CFAP161: variants seen among roughly 807,000 people sequenced by gnomAD.
CFAP161 encodes cilia- and flagella-associated protein 161.
A neutral mutation model predicts 29.0 loss-of-function variants in CFAP161; 25 were observed. The observed-to-expected ratio is 0.86, with a 90% confidence interval of 0.63 to 1.20. CFAP161 has a LOEUF of 1.20. Among genes scored for constraint, CFAP161 ranks in the 50% most tolerant of loss-of-function variants. The probability of loss-of-function intolerance (pLI) is 0.00; values close to 1 mark genes in which losing one functional copy is unlikely to be tolerated. For synonymous variants in CFAP161, 116 were observed against 137.4 expected (o/e 0.84, Z 1.09); for missense variants, 367 against 371.9 (o/e 0.99, Z 0.11).
chr15:81,133,212 TATATATATA>T (rs1567156366), upstream of CFAP161, among the ~76,000 whole-genome samples: 6 of 45,780 alleles, frequency 1.3e-4, no homozygotes, highest in Non-Finnish European at 2.3e-4. Flanking sequence ...TATATATATA[TATATATATA>T]TATGTATTTT....
chr15:81,147,878 C>A lies in CFAP161; in HGVS notation c.657C>A (p.Ile219=), dbSNP rs374986053. The part of the protein sequence containing the change: ...FPVPANAKIL[I]NHCHTNRGLA... ...TTAAGGCAAATGCTAAAATTCTCAT[C>A]AATCACTGTCACACAAATCGGGGAC... The change falls in exon 6 of 7, where the codon ATC becomes ATA. Residue 219 remains isoleucine, a synonymous_variant. Coordinates refer to ENST00000286732, the MANE Select transcript of CFAP161 (RefSeq NM_173528.4). 6.2e-7 allele frequency: 1 copy of A among 1,609,802 alleles called. No individual in the cohort carries two copies. Among genetic ancestry groups the A allele is most frequent in the African/African-American group, 1.3e-5 (1 of 74,680 alleles).
At chr15:81,146,226 C>T (rs1895003603) in intron 5 of CFAP161, among the ~76,000 whole-genome samples, 1 of 152,138 alleles carries the variant, frequency 6.6e-6, no homozygotes, top group South Asian at 2.1e-4. Context: ...CCAGGCCAAC[C>T]CCTGGATGGC....
chr15:81,117,032 G>A (rs1379395634), intron 1 of CFAP161, among the ~76,000 whole-genome samples: 1 of 152,128 alleles, frequency 6.6e-6, no homozygotes, highest in Non-Finnish European at 1.5e-5. Flanking sequence ...TAGGAAGGCA[G>A]ACTTTAGATT....
At chr15:81,106,361 G>A (rs759897512) in intron 1 of CFAP161, among the ~76,000 whole-genome samples, 18 of 152,142 alleles carry the variant, frequency 1.2e-4, no homozygotes, top group Admixed American at 3.3e-4. Context: ...TCAGACTGAC[G>A]GGGTTTCACC....
chr15:81,133,203 A>G (rs1302557925), upstream of CFAP161, among the ~76,000 whole-genome samples: 416 of 57,978 alleles, frequency 7.2e-3, 23 homozygotes, highest in African/African-American at 0.023. Context: ...ATATATATAT[A>G]TATATATATA....
chr15:81,101,854 T>TC (rs1555448441), intron 1 of CFAP161, among the ~76,000 whole-genome samples: 1 of 151,858 alleles, frequency 6.6e-6, no homozygotes, highest in Non-Finnish European at 1.5e-5. Context: ...TGCAATGACA[T>TC]CCCCCCAAAC....
chr15:81,126,316 A>G (rs1349807829), intron 1 of CFAP161, among the ~76,000 whole-genome samples: 4 of 152,228 alleles, frequency 2.6e-5, no homozygotes, highest in Non-Finnish European at 5.9e-5. Flanking sequence ...TTTCCATGTC[A>G]GTTTGATTTT....
At chr15:81,105,163 T>TCCTCCCTC (rs1555448609) in intron 1 of CFAP161, among the ~76,000 whole-genome samples, 1 of 33,140 alleles carries the variant, frequency 3.0e-5, no homozygotes, top group Admixed American at 3.7e-4. Flanking sequence ...CTCCCTCCCT[T>TCCTCCCTC]CCTTCCTCCC....
rs192179817 is a variant in CFAP161, at chr15:81,114,886, A to G, written c.-141-12704A>G. Among the ~76,000 whole-genome samples, 910 of 152,226 alleles carry G rather than the reference A, an allele frequency of 6.0e-3. 6 individuals carry two copies. Among genetic ancestry groups the G allele is most frequent in the Admixed American group, 0.011 (165 of 15,298 alleles). On this transcript the variant is annotated intron_variant, in intron 1 of 4. Coordinates refer to the CFAP161 transcript ENST00000560091. ...CACCATGTTGGTCAGGATGGTCTCT[A>G]TCTCCTGACCTTGTGATCCGCCCAC...
In CFAP161 at chr15:81,149,178, T is replaced by C. The variant is rs1388257969; in HGVS notation, c.*645T>C. 6.6e-6 allele frequency: 1 copy of C among 152,286 alleles called. No individual in the cohort carries two copies. Among genetic ancestry groups the C allele is most frequent in the East Asian group, 1.9e-4 (1 of 5,202 alleles). 9.4% of individuals were successfully genotyped at this position (152,286 alleles called of 1,614,324 possible). ...CAAAATAAATGTATGTCCTTCCATG[T>C]ATTTGTTCATCTGTTCATTCCTCAT... On this transcript the variant is annotated 3_prime_UTR_variant, in exon 7 of 7. Coordinates refer to ENST00000286732, the MANE Select transcript of CFAP161 (RefSeq NM_173528.4).
At chr15:81,128,729 C>A (rs548142725) in intron 2 of CFAP161, among the ~76,000 whole-genome samples, 1 of 152,118 alleles carries the variant, frequency 6.6e-6, no homozygotes, top group Non-Finnish European at 1.5e-5. Flanking sequence ...TCTAGAATGG[C>A]AAATCCTTTC....
At chr15:81,113,418 A>G (rs1246377500) in intron 1 of CFAP161, among the ~76,000 whole-genome samples, 1 of 152,170 alleles carries the variant, frequency 6.6e-6, no homozygotes, top group Non-Finnish European at 1.5e-5. Flanking sequence ...GTCAGATTTC[A>G]CAGGCTAAAA....
chr15:81,118,197 C>T, intron 1 of CFAP161: 1 of 470,158 alleles, frequency 2.1e-6, no homozygotes, highest in Non-Finnish European at 4.0e-6. Flanking sequence ...CAAATTTTTT[C>T]AATTTAGGCA....
At chr15:81,137,452 T>C (rs1894830469) in intron 3 of CFAP161, among the ~76,000 whole-genome samples, 1 of 152,012 alleles carries the variant, frequency 6.6e-6, no homozygotes, top group Non-Finnish European at 1.5e-5. Flanking sequence ...AAAAATTAGC[T>C]GGGCGTGGTG....
chr15:81,107,500 C>T (rs1036657492), intron 1 of CFAP161, among the ~76,000 whole-genome samples: 4 of 152,068 alleles, frequency 2.6e-5, no homozygotes, highest in African/African-American at 4.8e-5. Context: ...CCGGGGTGGG[C>T]GGATCACCTG....
intron 4 of CFAP161, among the ~76,000 whole-genome samples, chr15:81,143,216 G>T (rs1197468806): frequency 1.3e-5 from 2 of 152,160 alleles, no homozygotes; most frequent in East Asian, 3.8e-4. Context: ...GGGAGGCTGA[G>T]GTGGGAGGAT....
At chr15:81,116,081 G>T (rs1453041962) in intron 1 of CFAP161, among the ~76,000 whole-genome samples, 3 of 152,090 alleles carry the variant, frequency 2.0e-5, no homozygotes, top group African/African-American at 4.8e-5. Context: ...ATGTGTTTAG[G>T]TACAGCATGT....
At chr15:81,145,994 G>A (rs1894999679) in intron 5 of CFAP161, among the ~76,000 whole-genome samples, 1 of 152,216 alleles carries the variant, frequency 6.6e-6, no homozygotes, top group South Asian at 2.1e-4. Flanking sequence ...GCTGTCATTA[G>A]TAAAGAAGCA....
intron 1 of CFAP161, among the ~76,000 whole-genome samples, chr15:81,122,723 C>G (rs1304012280): frequency 6.6e-6 from 1 of 151,958 alleles, no homozygotes; most frequent in Non-Finnish European, 1.5e-5. Flanking sequence ...AACTCCTGAC[C>G]TCAAGGAATC....
Sources: allele counts gnomAD v4.1 joint callset (sites outside exome capture counted in the v4.1 genomes callset), GRCh38; gene constraint gnomAD v4.1.1; transcripts MANE v1.5; gene names NCBI Gene and HGNC (gene_info 2026-07-23, HGNC 2026-07-21).